ARHGEF10L: variants seen among roughly 807,000 people sequenced by gnomAD.
ARHGEF10L encodes Rho guanine nucleotide exchange factor 10 like, also known as rho guanine nucleotide exchange factor 10-like protein.
Under a neutral mutation model 141.2 loss-of-function variants are expected in ARHGEF10L, and 69 were observed. The observed-to-expected ratio is 0.49, with a 90% CI of 0.40 to 0.60. The LOEUF (loss-of-function observed/expected upper bound fraction) is 0.60, where lower values mean the gene tolerates loss of function less well. Among genes scored for constraint, ARHGEF10L ranks in the 20% least tolerant of loss-of-function variants. The probability of loss-of-function intolerance (pLI) is 0.00; values close to 1 mark genes in which losing one functional copy is unlikely to be tolerated. For synonymous variants in ARHGEF10L, 711 were observed against 718.5 expected (o/e 0.99, Z 0.17); for missense variants, 1,482 against 1,734.3 (o/e 0.85, Z 2.58).
intron 1 of ARHGEF10L, among the ~76,000 whole-genome samples, chr1:17,560,608 C>T (rs554173170): frequency 1.1e-3 from 165 of 152,340 alleles, no homozygotes; most frequent in African/African-American, 3.8e-3. Context: ...TCTTGTTGCC[C>T]AGGCTGGAGT....
At chr1:17,532,211 C>T in the ARHGEF10L span, among the ~76,000 whole-genome samples, 2 of 152,324 alleles carry the variant, frequency 1.3e-5, no homozygotes, top group East Asian at 1.9e-4. Flanking sequence ...ATGGTAACTT[C>T]TAGAACAGGC....
Position 17,625,455 on chromosome 1 carries a change from G to C in ARHGEF10L, c.1318-501G>C, listed in dbSNP as rs1330368670. ...ATGGGGAGCCATTGAAGGATTTTGA[G>C]CTAGGGTAGATGGAAGTGGAGGCAG... On this transcript the variant is annotated intron_variant, in intron 13 of 28. Coordinates refer to ENST00000361221, the MANE Select transcript of ARHGEF10L (RefSeq NM_018125.4). The surrounding 1 kb of genome is among the most constrained non-coding windows in gnomAD (Gnocchi z 4.5). 6.6e-6 allele frequency among the ~76,000 whole-genome samples: 1 copy of C among 152,192 alleles called. No homozygotes were observed. The highest frequency in any genetic ancestry group is 1.5e-5 in the Non-Finnish European group (1 of 68,024).
chr1:17,642,351 C>A (rs752274489), intron 21 of ARHGEF10L, among the ~76,000 whole-genome samples: 1 of 152,198 alleles, frequency 6.6e-6, no homozygotes, highest in Non-Finnish European at 1.5e-5. Context: ...CCCAGAGTGG[C>A]CAGCACTGGC....
intron 1 of ARHGEF10L, among the ~76,000 whole-genome samples, chr1:17,566,684 G>C (rs1297727457): frequency 3.3e-5 from 5 of 152,236 alleles, no homozygotes; most frequent in African/African-American, 9.6e-5. Flanking sequence ...TGCAGGGCCA[G>C]TATCAGACCT....
chr1:17,605,104 AG>A (rs887716783), intron 6 of ARHGEF10L, among the ~76,000 whole-genome samples: 14 of 152,178 alleles, frequency 9.2e-5, no homozygotes, highest in African/African-American at 3.4e-4. Flanking sequence ...CTTTTCACAC[AG>A]GGCCACTGTT....
intron 16 of ARHGEF10L, 118 bp from the exon 17 acceptor site, chr1:17,634,430 T>C: frequency 1.3e-6 from 2 of 1,536,914 alleles, no homozygotes; most frequent in African/African-American, 1.4e-5. Context: ...CAGGAGGCTG[T>C]CTCTCCTTCT....
intron 1 of ARHGEF10L, among the ~76,000 whole-genome samples, chr1:17,564,007 G>A (rs1014173759): frequency 2.6e-5 from 4 of 152,350 alleles, no homozygotes; most frequent in African/African-American, 9.6e-5. Context: ...GCCCTTTCAA[G>A]GAGCCAGGTT....
At chr1:17,642,087 G>A (rs541865771) in intron 21 of ARHGEF10L, among the ~76,000 whole-genome samples, 13 of 152,282 alleles carry the variant, frequency 8.5e-5, no homozygotes, top group African/African-American at 2.9e-4. Context: ...GGGCATGGGG[G>A]AAGAATAATG....
intron 26 of ARHGEF10L, among the ~76,000 whole-genome samples, chr1:17,665,021 G>A (rs2102183811): frequency 6.6e-6 from 1 of 152,262 alleles, no homozygotes; most frequent in Admixed American, 6.5e-5. Flanking sequence ...GCCTTGCCCT[G>A]GTTCCAGCAC....
intron 25 of ARHGEF10L, among the ~76,000 whole-genome samples, chr1:17,661,391 TG>T (rs2062616539): frequency 6.6e-6 from 1 of 152,354 alleles, no homozygotes; most frequent in South Asian, 2.1e-4. Flanking sequence ...ATGAGTTTTT[TG>T]ATCTATCAGT....
intron 1 of ARHGEF10L, among the ~76,000 whole-genome samples, chr1:17,541,694 T>C (rs1393620152): frequency 6.6e-6 from 1 of 151,868 alleles, no homozygotes; most frequent in Non-Finnish European, 1.5e-5. Context: ...ATGGCCAGGC[T>C]CAGTAGCTCA....
chr1:17,584,492 G>A (rs1036109423), intron 2 of ARHGEF10L, among the ~76,000 whole-genome samples: 1 of 152,132 alleles, frequency 6.6e-6, no homozygotes, highest in Non-Finnish European at 1.5e-5. Context: ...CCCTCGTGAA[G>A]CTTATATTCG....
In ARHGEF10L at chr1:17,638,558, C is replaced by G; in HGVS notation, c.2044-4C>G. 3 of 1,614,188 alleles carry G rather than the reference C, an allele frequency of 1.9e-6. No individual in the cohort carries two copies. Among genetic ancestry groups the G allele is most frequent in the Non-Finnish European group, 2.5e-6 (3 of 1,180,024 alleles). On this transcript the variant is annotated splice_polypyrimidine_tract_variant and splice_region_variant and intron_variant, in intron 19 of 28. Transcript: ENST00000361221. The stretch of plus-strand genomic sequence containing the variant: ...GGTGACCTCATTGGCCTCCTGAACC[C>G]TAGAACCTGAACATGACTGTGGCTC...
chr1:17,537,875 GAAAGA>G (rs2076600407), upstream of ARHGEF10L, among the ~76,000 whole-genome samples: 1 of 121,324 alleles, frequency 8.2e-6, no homozygotes, highest in Non-Finnish European at 1.8e-5. Context: ...AAAAAAAAAA[GAAAGA>G]AAAGAAAAAA....
intron 26 of ARHGEF10L, among the ~76,000 whole-genome samples, chr1:17,679,323 T>C (rs961859087): frequency 1.3e-5 from 2 of 152,206 alleles, no homozygotes; most frequent in African/African-American, 4.8e-5. Flanking sequence ...CAGGTCAGAC[T>C]CTGAGGGCAG....
intron 16 of ARHGEF10L, among the ~76,000 whole-genome samples, chr1:17,633,703 C>T (rs942368767): frequency 4.6e-5 from 7 of 152,162 alleles, no homozygotes; most frequent in Middle Eastern, 3.2e-3. Context: ...CTACCATCAC[C>T]GAAATCCAGG....
chr1:17,677,492 G>C (rs747023458), intron 26 of ARHGEF10L, among the ~76,000 whole-genome samples: 2 of 152,226 alleles, frequency 1.3e-5, no homozygotes, highest in Non-Finnish European at 2.9e-5. Context: ...TCTGGCCCAG[G>C]GTGGGCACTG....
At position 17,572,162 on chromosome 1, in the gene ARHGEF10L, C is replaced by T. The variant is rs561881113; in HGVS notation, c.-43-8391C>T. On this transcript the variant is annotated intron_variant, in intron 1 of 28. Transcript: ENST00000361221. ...TGACCCAGCCCGAATTCTTTGCTTG[C>T]GGGGGTCAGTCCACCCGATGTGGGA... is the stretch of plus-strand genomic sequence containing the variant. Among the ~76,000 whole-genome samples the T allele has an allele frequency of 3.3e-5, 5 of 152,160 alleles. No individual in the cohort carries two copies. In the East Asian group the frequency reaches 5.8e-4, roughly 18 times the overall value.
intron 4 of ARHGEF10L, among the ~76,000 whole-genome samples, chr1:17,597,166 G>C (rs1361958186): frequency 1.3e-5 from 2 of 152,152 alleles, no homozygotes. Context: ...CATGGATTCA[G>C]CTTCTTTCCT....
Sources: gnomAD v4.1 joint callset for allele counts (sites outside exome capture counted in the v4.1 genomes callset) on GRCh38, gnomAD v4.1.1 for gene constraint, Gnocchi (gnomAD v3.1) non-coding constraint, MANE v1.5 for transcripts, NCBI Gene and HGNC (gene_info 2026-07-23, HGNC 2026-07-21) for gene names.